OR8H2: variants seen among roughly 807,000 people sequenced by gnomAD.
OR8H2 encodes olfactory receptor family 8 subfamily H member 2.
For synonymous variants in OR8H2, 157 were observed against 139.2 expected (o/e 1.13, Z -0.90); for missense variants, 374 against 371.1 (o/e 1.01, Z -0.06).
Position 56,105,734 on chromosome 11 carries a change from C to T in OR8H2, c.692C>T (p.Thr231Ile). ...ILFTILKINS[T>I]SGKQKAFSTC... The stretch of plus-strand genomic sequence containing the variant: ...TTTACCATCCTGAAAATTAATTCCA[C>T]TTCAGGAAAGCAGAAAGCTTTCTCT... The change falls in exon 2 of 2, where the codon ACT (threonine) becomes ATT (isoleucine). Residue 231 changes from threonine (T) to isoleucine (I), a missense_variant. Physicochemically the swap from Thr to Ile is moderately conservative, Grantham distance 89. Coordinates refer to ENST00000313503, the MANE Select transcript of OR8H2 (RefSeq NM_001386064.1). 2 of 1,613,806 alleles carry T rather than the reference C, an allele frequency of 1.2e-6. No homozygotes were observed. Among genetic ancestry groups the T allele is most frequent in the East Asian group, 2.2e-5 (1 of 44,880 alleles).
Position 56,106,591 on chromosome 11 carries a change from T to G in OR8H2, c.*610T>G, listed in dbSNP as rs1316605810. 1.3e-5 allele frequency: 2 copies of G among 152,058 alleles called. No homozygotes were observed. Among genetic ancestry groups the G allele is most frequent in the Admixed American group, 1.3e-4 (2 of 15,252 alleles). 9.4% of individuals were successfully genotyped at this position (152,058 alleles called of 1,614,324 possible). A position where few individuals can be genotyped will look rare whatever the true frequency, so the allele number is the denominator to read the frequency against. The stretch of plus-strand genomic sequence containing the variant: ...ATTTAAAGCAATAATAATTAATGCT[T>G]CCCATTATCATTAGAAGACCTACAT... On this transcript the variant is annotated 3_prime_UTR_variant, in exon 2 of 2. Transcript: ENST00000313503.
In OR8H2 at chr11:56,105,337, G is replaced by T. The variant is rs1285820194; in HGVS notation, c.295G>T (p.Ala99Ser). 2.5e-6 allele frequency: 4 copies of T among 1,613,988 alleles called. No homozygotes were observed. The African/African-American group carries it at 4.0e-5, about 16-fold the overall frequency. ...SNYISFTGCF[A>S]QMFFFAFLGT... ...CTATATTTCCTTTACGGGCTGCTTT[G>T]CCCAGATGTTCTTTTTTGCCTTCTT... is the stretch of plus-strand genomic sequence containing the variant. The change falls in exon 2 of 2, where the codon GCC becomes TCC. Residue 99 changes from alanine (A) to serine (S), a missense_variant. Transcript: ENST00000313503.
In OR8H2 at chr11:56,105,522, G is replaced by C. The variant is rs1450724725; in HGVS notation, c.480G>C (p.Val160=). ...GCTTTATAGACTCCTTTGTCAACGT[G>C]GTTTCCATGAGCAGATTGCATTTCT... is the stretch of plus-strand genomic sequence containing the variant. The part of the protein sequence containing the change: ...VIGFIDSFVN[V]VSMSRLHFYD... The change falls in exon 2 of 2, where the codon GTG becomes GTC. Residue 160 remains valine (V), a synonymous_variant. Transcript: ENST00000313503. 7 of 1,614,122 alleles carry C rather than the reference G, an allele frequency of 4.3e-6. No homozygotes were observed. In the South Asian group the frequency reaches 6.6e-5, roughly 15 times the overall value.
Position 56,106,706 on chromosome 11 carries a change from AATC to A in OR8H2, c.*727_*729del, listed in dbSNP as rs1854059693. On this transcript the variant is annotated 3_prime_UTR_variant, in exon 2 of 2. Transcript: ENST00000313503. ...AATTGACAGAACTAAAAAGAACAAAAATCAGCAGCTCACAATTTTGGATTTCAG... is the reference window on the plus strand; with the variant it reads ...AATTGACAGAACTAAAAAGAACAAAAAGCAGCTCACAATTTTGGATTTCAG... The A allele has an allele frequency of 1.3e-5, 2 of 152,072 alleles. No individual in the cohort carries two copies. Among genetic ancestry groups the A allele is most frequent in the South Asian group, 4.1e-4 (2 of 4,832 alleles). 9.4% of individuals were successfully genotyped at this position (152,072 alleles called of 1,614,324 possible). A position where few individuals can be genotyped will look rare whatever the true frequency, so the allele number is the denominator to read the frequency against.
In OR8H2 at chr11:56,106,833, T is replaced by C. The variant is rs1854061321; in HGVS notation, c.*852T>C. On this transcript the variant is annotated 3_prime_UTR_variant, in exon 2 of 2. Coordinates refer to ENST00000313503, the MANE Select transcript of OR8H2 (RefSeq NM_001386064.1). ...AAATATTACAAAATATTGAAGAAAA[T>C]AGAAATCCTCTACAAATATTGAGTT... The C allele has an allele frequency of 6.6e-6, 1 of 151,956 alleles. No individual in the cohort carries two copies. The allele number at this position is 151,956 out of a possible 1,614,324, so 9.4% of individuals were successfully genotyped here.
At position 56,106,123 on chromosome 11, in the gene OR8H2, T is replaced by A. The variant is rs1355028076; in HGVS notation, c.*142T>A. ...GTGCTACCCTTTGCTTCACTAAACA[T>A]GATTTTAAACATTTCAAGGCATATG... is the stretch of plus-strand genomic sequence containing the variant. On this transcript the variant is annotated 3_prime_UTR_variant, in exon 2 of 2. Coordinates refer to ENST00000313503, the MANE Select transcript of OR8H2 (RefSeq NM_001386064.1). 1 of 595,046 alleles carries A rather than the reference T, an allele frequency of 1.7e-6. No homozygotes were observed. The highest frequency in any genetic ancestry group is 2.9e-6 in the Non-Finnish European group (1 of 349,988). The allele number at this position is 595,046 out of a possible 1,614,324, so 36.9% of individuals were successfully genotyped here. A position where few individuals can be genotyped will look rare whatever the true frequency, so the allele number is the denominator to read the frequency against.
chr11:56,104,688 C>A lies in OR8H2; in HGVS notation c.-171-184C>A, dbSNP rs1161846780. Among the ~76,000 whole-genome samples, 5 of 152,274 alleles carry A rather than the reference C, an allele frequency of 3.3e-5. 1 individual carries two copies. The East Asian group carries it at 9.6e-4, about 29-fold the overall frequency. On this transcript the variant is annotated intron_variant, in intron 1 of 1. Transcript: ENST00000313503. ...ATTATGCAATATGCTACATGCTACA[C>A]TTTATTGTAACATATGCAAATGTTA...
Position 56,107,393 on chromosome 11 carries a change from G to A in OR8H2, c.*1412G>A, listed in dbSNP as rs1489844425. ...ATTTTAAATTTCTTAATACAGAAAA[G>A]TTGTAAAGCAAAGAATTGATAATGA... On this transcript the variant is annotated 3_prime_UTR_variant, in exon 2 of 2. Transcript: ENST00000313503. 6.6e-6 allele frequency: 1 copy of A among 151,956 alleles called. No homozygotes were observed. Among genetic ancestry groups the A allele is most frequent in the Non-Finnish European group, 1.5e-5 (1 of 67,832 alleles). 9.4% of individuals were successfully genotyped at this position (151,956 alleles called of 1,614,324 possible).
Position 56,107,654 on chromosome 11 carries a change from C to T in OR8H2, c.*1673C>T, listed in dbSNP as rs938446101. ...TTTTTAATCTTGTGAAATTTGTTAT[C>T]TTCGTACAATTATATTTGATTTCTT... On this transcript the variant is annotated 3_prime_UTR_variant, in exon 2 of 2. Transcript: ENST00000313503. 9.9e-5 allele frequency: 15 copies of T among 151,612 alleles called. No individual in the cohort carries two copies. The highest frequency in any genetic ancestry group is 3.6e-4 in the African/African-American group (15 of 41,372). The allele number at this position is 151,612 out of a possible 1,614,324, so 9.4% of individuals were successfully genotyped here. A position where few individuals can be genotyped will look rare whatever the true frequency, so the allele number is the denominator to read the frequency against.
rs759486517 is a variant in OR8H2 at position 56,105,534 on chromosome 11, C to A, written c.492C>A (p.Ser164Arg). Residue 164 changes from serine to arginine, a missense_variant, in exon 2 of 2, where the codon AGC becomes AGA. By Grantham distance (110) the Ser-to-Arg change is moderately radical. Coordinates refer to ENST00000313503, the MANE Select transcript of OR8H2 (RefSeq NM_001386064.1). ...CCTTTGTCAACGTGGTTTCCATGAG[C>A]AGATTGCATTTCTACGACTCAAACG... ...IDSFVNVVSM[S>R]RLHFYDSNVI... The A allele has an allele frequency of 2.3e-5, 37 of 1,614,038 alleles. No individual in the cohort carries two copies. The highest frequency in any genetic ancestry group is 2.9e-5 in the Non-Finnish European group (34 of 1,180,038).
chr11:56,105,723 A>AGC lies in OR8H2; in HGVS notation c.681_682insGC (p.Ile228AlafsTer29). The AGC allele has an allele frequency of 6.2e-7, 1 of 1,613,968 alleles. No individual in the cohort carries two copies. Among genetic ancestry groups the AGC allele is most frequent in the Non-Finnish European group, 8.5e-7 (1 of 1,179,862 alleles). ...TGTTCATTCTCTTTACCATCCTGAA[A>AGC]ATTAATTCCACTTCAGGAAAGCAGA... On this transcript the variant is annotated frameshift_variant, in exon 2 of 2. Coordinates refer to ENST00000313503, the MANE Select transcript of OR8H2 (RefSeq NM_001386064.1). LOFTEE classifies it low-confidence loss of function (END_TRUNC).
At position 56,103,993 on chromosome 11, in the gene OR8H2, T is replaced by C. The variant is rs962401952; in HGVS notation, c.-172+6T>C. On this transcript the variant is annotated splice_donor_region_variant and intron_variant, in intron 1 of 1. Coordinates refer to ENST00000313503, the MANE Select transcript of OR8H2 (RefSeq NM_001386064.1). Reference sequence around the variant, plus strand: ...TGAATGTTGACTCACACACAGTAAGTATTATTCTCAAAATTGGAAGATATT... The same window carrying C: ...TGAATGTTGACTCACACACAGTAAGCATTATTCTCAAAATTGGAAGATATT... The C allele has an allele frequency of 6.6e-6, 1 of 152,144 alleles. No homozygotes were observed. The highest frequency in any genetic ancestry group is 6.6e-5 in the Admixed American group (1 of 15,264). 9.4% of individuals were successfully genotyped at this position (152,144 alleles called of 1,614,324 possible). A position where few individuals can be genotyped will look rare whatever the true frequency, so the allele number is the denominator to read the frequency against.
Position 56,106,160 on chromosome 11 carries a change from C to T in OR8H2, c.*179C>T, listed in dbSNP as rs1854053312. The T allele has an allele frequency of 4.2e-6, 2 of 480,958 alleles. No homozygotes were observed. Among genetic ancestry groups the T allele is most frequent in the South Asian group, 3.8e-5 (1 of 26,318 alleles). 29.8% of individuals were successfully genotyped at this position (480,958 alleles called of 1,614,324 possible). A position where few individuals can be genotyped will look rare whatever the true frequency, so the allele number is the denominator to read the frequency against. Reference sequence around the variant, plus strand: ...TTTCAAGGCATATGTTTTTAGAAATCCAAATGGTAATTAGAAATCATAATA... The same window carrying T: ...TTTCAAGGCATATGTTTTTAGAAATTCAAATGGTAATTAGAAATCATAATA... On this transcript the variant is annotated 3_prime_UTR_variant, in exon 2 of 2. Transcript: ENST00000313503.
rs1247522046 is a variant in OR8H2, at chr11:56,106,764, T to C, written c.*783T>C. 6.6e-6 allele frequency: 1 copy of C among 152,014 alleles called. No individual in the cohort carries two copies. The highest frequency in any genetic ancestry group is 2.4e-5 in the African/African-American group (1 of 41,438). 9.4% of individuals were successfully genotyped at this position (152,014 alleles called of 1,614,324 possible). A position where few individuals can be genotyped will look rare whatever the true frequency, so the allele number is the denominator to read the frequency against. ...AAAATATTTCAGTAGAATTAAGTTATAGAAAAATAGCCTATATTAAGATAA... is the reference window on the plus strand; with the variant it reads ...AAAATATTTCAGTAGAATTAAGTTACAGAAAAATAGCCTATATTAAGATAA... On this transcript the variant is annotated 3_prime_UTR_variant, in exon 2 of 2. Transcript: ENST00000313503.
rs368119925 is a variant in OR8H2 at position 56,105,245 on chromosome 11, C to G, written c.203C>G (p.Ser68Ter). 6.2e-7 allele frequency: 1 copy of G among 1,614,200 alleles called. No individual in the cohort carries two copies. Among genetic ancestry groups the G allele is most frequent in the Non-Finnish European group, 8.5e-7 (1 of 1,180,020 alleles). Residue 68 changes from serine to a stop codon, truncating the protein, a stop_gained, in exon 2 of 2, where the codon TCA becomes TGA. Coordinates refer to ENST00000313503, the MANE Select transcript of OR8H2 (RefSeq NM_001386064.1). LOFTEE classifies it low-confidence loss of function (END_TRUNC). Reference protein sequence around the residue: ...TPMYFFLTHLSFIDLSYSTVV... With the variant: ...TPMYFFLTHL ...ATGTATTTTTTCCTTACTCACCTGTCATTTATTGACCTCAGTTACTCAACT... is the reference window on the plus strand; with the variant it reads ...ATGTATTTTTTCCTTACTCACCTGTGATTTATTGACCTCAGTTACTCAACT...
Position 56,105,128 on chromosome 11 carries a change from T to C in OR8H2, c.86T>C (p.Phe29Ser), listed in dbSNP as rs1854032987. The change falls in exon 2 of 2, where the codon TTT (phenylalanine) becomes TCT (serine). Residue 29 changes from phenylalanine to serine, a missense_variant. Physicochemically the swap from Phe to Ser is radical, Grantham distance 155 (BLOSUM62 -2). Coordinates refer to ENST00000313503, the MANE Select transcript of OR8H2 (RefSeq NM_001386064.1). ...TCTGAAGAGATCCAGATGGCTCTGT[T>C]TATGCTATTTCTCCTGATATACCTA... ...TLSEEIQMAL[F>S]MLFLLIYLIT... The C allele has an allele frequency of 6.2e-7, 1 of 1,614,108 alleles. No homozygotes were observed. The highest frequency in any genetic ancestry group is 1.1e-5 in the South Asian group (1 of 91,090).
At position 56,105,861 on chromosome 11, in the gene OR8H2, G is replaced by A; in HGVS notation, c.819G>A (p.Val273=). ...CTTATTCCTTGGGAAGAGATCAAGT[G>A]GCTTCTGTTTTTTATACTATTGTGA... The part of the protein sequence containing the change: ...RKSYSLGRDQ[V]ASVFYTIVIP... Residue 273 remains valine, a synonymous_variant, in exon 2 of 2, where the codon GTG becomes GTA. Coordinates refer to ENST00000313503, the MANE Select transcript of OR8H2 (RefSeq NM_001386064.1). 1 of 1,612,228 alleles carries A rather than the reference G, an allele frequency of 6.2e-7. No homozygotes were observed. Among genetic ancestry groups the A allele is most frequent in the Non-Finnish European group, 8.5e-7 (1 of 1,178,444 alleles).
chr11:56,105,445 A>G lies in OR8H2; in HGVS notation c.403A>G (p.Ile135Val), dbSNP rs1276866296. 3 of 1,614,134 alleles carry G rather than the reference A, an allele frequency of 1.9e-6. No homozygotes were observed. Among genetic ancestry groups the G allele is most frequent in the African/African-American group, 2.7e-5 (2 of 75,040 alleles). The part of the protein sequence containing the change: ...AICSPLHYTV[I>V]MSKRLCLALI... ...CTGCAGTCCTCTACACTACACAGTT[A>G]TTATGTCCAAAAGGCTCTGCCTCGC... is the stretch of plus-strand genomic sequence containing the variant. Residue 135 changes from isoleucine (I) to valine (V), a missense_variant, in exon 2 of 2, where the codon ATT becomes GTT. Transcript: ENST00000313503.
At position 56,105,224 on chromosome 11, in the gene OR8H2, A is replaced by G. The variant is rs763913461; in HGVS notation, c.182A>G (p.Tyr61Cys). ...GACCTCCAGCTTCACACTCCCATGT[A>G]TTTTTTCCTTACTCACCTGTCATTT... ...RLDLQLHTPM[Y>C]FFLTHLSFID... Residue 61 changes from tyrosine to cysteine, a missense_variant, in exon 2 of 2, where the codon TAT (tyrosine) becomes TGT (cysteine). Transcript: ENST00000313503. 1.5e-5 allele frequency: 25 copies of G among 1,613,962 alleles called. No homozygotes were observed. Among genetic ancestry groups the G allele is most frequent in the Non-Finnish European group, 1.9e-5 (23 of 1,180,028 alleles).
Sources: gnomAD v4.1 joint callset for allele counts (sites outside exome capture counted in the v4.1 genomes callset) on GRCh38, gnomAD v4.1.1 for gene constraint, MANE v1.5 for transcripts, NCBI Gene and HGNC (gene_info 2026-07-23, HGNC 2026-07-21) for gene names.